The following ATF3 variants were observed in gnomAD, a reference collection of about 807,000 sequenced individuals.
ATF3 encodes activating transcription factor 3, also known as cyclic AMP-dependent transcription factor ATF-3.
Under a neutral mutation model 18.4 loss-of-function variants are expected in ATF3, and 10 were observed. The ratio of observed to expected loss-of-function variants is 0.54; its 90% confidence interval spans 0.34 to 0.92. ATF3 has a LOEUF of 0.92. ATF3 is among the 40% of genes least tolerant of loss of function. The pLI is 0.02. For synonymous variants in ATF3, 78 were observed against 87.9 expected (o/e 0.89, Z 0.63); for missense variants, 183 against 222.3 (o/e 0.82, Z 1.12).
upstream of ATF3, among the ~76,000 whole-genome samples, chr1:212,603,984 A>C (rs1228161422): frequency 6.6e-6 from 1 of 152,212 alleles, no homozygotes; most frequent in Non-Finnish European, 1.5e-5. Context: ...AACACACTAC[A>C]GTGTTAATAG....
chr1:212,612,332 C>CT (rs1654931795), intron 1 of ATF3, among the ~76,000 whole-genome samples: 2 of 152,160 alleles, frequency 1.3e-5, no homozygotes, highest in African/African-American at 4.8e-5. Context: ...ACCCCAAGCC[C>CT]TGAGAGCTCA....
At chr1:212,577,599 C>T (rs1467656301) in intron 1 of ATF3, among the ~76,000 whole-genome samples, 2 of 151,454 alleles carry the variant, frequency 1.3e-5, no homozygotes, top group South Asian at 4.2e-4. Flanking sequence ...CCTCAGCTCT[C>T]GGTAACCACC....
intron 1 of ATF3, among the ~76,000 whole-genome samples, chr1:212,603,655 T>C (rs1654544122): frequency 6.6e-6 from 1 of 152,128 alleles, no homozygotes; most frequent in African/African-American, 2.4e-5. Context: ...TCATAGAACA[T>C]CCATTGGCAA....
Position 212,618,743 on chromosome 1 carries a change from C to T in ATF3, c.348+509C>T, listed in dbSNP as rs969995572. ...AGCCAGTAAGCTGAGCCCCTGGCTGCGTTCAGCCGGCCCGCCTGAGAGACA... is the reference window on the plus strand; with the variant it reads ...AGCCAGTAAGCTGAGCCCCTGGCTGTGTTCAGCCGGCCCGCCTGAGAGACA... On this transcript the variant is annotated intron_variant, in intron 3 of 3. Coordinates refer to ENST00000341491, the MANE Select transcript of ATF3 (RefSeq NM_001674.4). The surrounding 1 kb of genome is among the most constrained non-coding windows in gnomAD (Gnocchi z 4.4). 6.0e-6 allele frequency: 3 copies of T among 496,742 alleles called. No homozygotes were observed. Among genetic ancestry groups the T allele is most frequent in the Non-Finnish European group, 1.1e-5 (3 of 273,342 alleles). 30.8% of individuals were successfully genotyped at this position (496,742 alleles called of 1,614,324 possible).
At chr1:212,592,288 C>T (rs745609733) in intron 1 of ATF3, among the ~76,000 whole-genome samples, 3 of 152,060 alleles carry the variant, frequency 2.0e-5, no homozygotes, top group Non-Finnish European at 4.4e-5. Context: ...ATGTTTTCAA[C>T]GTTCATCTAA....
chr1:212,600,649 G>A (rs3122710), intron 1 of ATF3, among the ~76,000 whole-genome samples: 14,516 of 152,230 alleles, frequency 0.095, 962 homozygotes, highest in East Asian at 0.34. Context: ...CATCCAGCTC[G>A]ACAGTCACCT....
upstream of ATF3, among the ~76,000 whole-genome samples, chr1:212,608,291 C>T (rs1003020545): frequency 1.3e-5 from 2 of 152,158 alleles, no homozygotes; most frequent in African/African-American, 4.8e-5. Context: ...CCAGCCTCAC[C>T]TAGTCTGGGC....
chr1:212,609,334 C>A (rs757461788), intron 1 of ATF3, among the ~76,000 whole-genome samples: 28 of 131,286 alleles, frequency 2.1e-4, no homozygotes, highest in Non-Finnish European at 3.7e-4. Flanking sequence ...CTCCATCCCT[C>A]GCTTCGAGAC....
chr1:212,574,093 G>C (rs1357886894), intron 1 of ATF3, among the ~76,000 whole-genome samples: 1 of 151,374 alleles, frequency 6.6e-6, no homozygotes, highest in Non-Finnish European at 1.5e-5. Context: ...TGATTTCTTA[G>C]GGATTTTGTT....
At chr1:212,613,235 A>G (rs1270850756) in intron 1 of ATF3, among the ~76,000 whole-genome samples, 1 of 152,158 alleles carries the variant, frequency 6.6e-6, no homozygotes, top group African/African-American at 2.4e-5. Flanking sequence ...ATCCCGAGGA[A>G]TCTTTACTTA....
At chr1:212,613,227 C>T (rs763065990) in intron 1 of ATF3, among the ~76,000 whole-genome samples, 4 of 152,110 alleles carry the variant, frequency 2.6e-5, no homozygotes, top group Admixed American at 6.6e-5. Flanking sequence ...TTCAGTTTAT[C>T]CCGAGGAATC....
chr1:212,566,500 G>A (rs1664385059), intron 1 of ATF3, among the ~76,000 whole-genome samples: 1 of 152,184 alleles, frequency 6.6e-6, no homozygotes, highest in Admixed American at 6.5e-5. Flanking sequence ...AACACCCTGA[G>A]TTTGGACAGG....
intron 1 of ATF3, among the ~76,000 whole-genome samples, chr1:212,569,620 C>T (rs531634297): frequency 1.3e-4 from 19 of 151,210 alleles, no homozygotes; most frequent in Admixed American, 1.1e-3. Flanking sequence ...TTTTTTCACT[C>T]GAAATGTAAA....
chr1:212,598,164 A>G (rs1654368177), intron 1 of ATF3, among the ~76,000 whole-genome samples: 1 of 152,250 alleles, frequency 6.6e-6, no homozygotes. Flanking sequence ...TAGAAGAGAA[A>G]AAAAGTTACC....
intron 1 of ATF3, among the ~76,000 whole-genome samples, chr1:212,610,138 C>T (rs949757574): frequency 2.6e-5 from 4 of 152,216 alleles, no homozygotes; most frequent in African/African-American, 4.8e-5. Context: ...TCCTTCTCTG[C>T]TCCCCCCACT....
intron 1 of ATF3, among the ~76,000 whole-genome samples, chr1:212,589,491 TA>T (rs1185072898): frequency 6.6e-6 from 1 of 151,904 alleles, no homozygotes; most frequent in African/African-American, 2.4e-5. Flanking sequence ...AAATTATAAA[TA>T]AAAAAGTTGG....
intron 1 of ATF3, among the ~76,000 whole-genome samples, chr1:212,598,894 G>T (rs1046726248): frequency 1.3e-5 from 2 of 152,112 alleles, no homozygotes; most frequent in Non-Finnish European, 2.9e-5. Context: ...CCAAATCTTG[G>T]CTACTGTGAA....
chr1:212,599,658 A>C (rs1167047565), intron 1 of ATF3, among the ~76,000 whole-genome samples: 1 of 152,076 alleles, frequency 6.6e-6, no homozygotes, highest in Non-Finnish European at 1.5e-5. Context: ...ACTGCTAAGC[A>C]TTTTGTCCCG....
chr1:212,586,815 T>A (rs192043501), intron 1 of ATF3, among the ~76,000 whole-genome samples: 2 of 152,330 alleles, frequency 1.3e-5, no homozygotes, highest in African/African-American at 4.8e-5. Context: ...AAAAAGTGAC[T>A]TTTTGATCAG....
Sources: allele counts gnomAD v4.1 joint callset (sites outside exome capture counted in the v4.1 genomes callset), GRCh38; gene constraint gnomAD v4.1.1; non-coding constraint Gnocchi (gnomAD v3.1); transcripts MANE v1.5; gene names NCBI Gene and HGNC (gene_info 2026-07-23, HGNC 2026-07-21).